SLC25A21: variants seen among roughly 807,000 people sequenced by gnomAD.
SLC25A21 encodes solute carrier family 25 member 21.
Under a neutral mutation model 43.8 loss-of-function variants are expected in SLC25A21, and 47 were observed. The ratio of observed to expected loss-of-function variants is 1.07; its 90% CI spans 0.85 to 1.37. The LOEUF is 1.37. SLC25A21 is among the 40% of genes most tolerant of loss of function. SLC25A21 has a pLI of 0.00. For synonymous variants in SLC25A21, 131 were observed against 121.3 expected (o/e 1.08, Z -0.52); for missense variants, 352 against 350.2 (o/e 1.00, Z -0.04).
chr14:37,036,050 T>C (rs146618506), intron 1 of SLC25A21, among the ~76,000 whole-genome samples: 5,069 of 152,250 alleles, frequency 0.033, 140 homozygotes, highest in Middle Eastern at 0.068. Flanking sequence ...AAAAGGAAAA[T>C]TGAGAATTTT....
intron 3 of SLC25A21, among the ~76,000 whole-genome samples, chr14:36,780,368 C>T (rs1274025413): frequency 6.6e-6 from 1 of 151,968 alleles, no homozygotes; most frequent in African/African-American, 2.4e-5. Flanking sequence ...ATAGCTCCTA[C>T]TACTTTTGCC....
intron 1 of SLC25A21, among the ~76,000 whole-genome samples, chr14:36,976,378 T>G (rs1032365878): frequency 3.3e-5 from 5 of 152,128 alleles, no homozygotes; most frequent in African/African-American, 9.7e-5. Context: ...AAACCCTAAC[T>G]TCTTTCAAAT....
In SLC25A21 at chr14:37,073,716, C is replaced by G. The variant is rs1962220737; in HGVS notation, c.70+98565G>C. Among the ~76,000 whole-genome samples the G allele has an allele frequency of 2.6e-5, 4 of 152,268 alleles. No individual in the cohort carries two copies. The South Asian group carries it at 8.3e-4, about 32-fold the overall frequency. ...GCATCGTTCCTGAAGCCAACAGGCC[C>G]TCTTGTCTTGTGTCCAGGTTAAATG... On this transcript the variant is annotated intron_variant, in intron 1 of 9. Coordinates refer to ENST00000331299, the MANE Select transcript of SLC25A21 (RefSeq NM_030631.4).
At chr14:36,963,724 G>A (rs547209744) in intron 1 of SLC25A21, among the ~76,000 whole-genome samples, 37 of 152,198 alleles carry the variant, frequency 2.4e-4, no homozygotes, top group Non-Finnish European at 2.4e-4. Flanking sequence ...CTCCGACTTC[G>A]CAAGCCTGCT....
chr14:36,946,223 C>T (rs1459536434), intron 1 of SLC25A21, among the ~76,000 whole-genome samples: 1 of 152,124 alleles, frequency 6.6e-6, no homozygotes, highest in East Asian at 1.9e-4. Context: ...CAGTGTAGTA[C>T]AAATTATATC....
intron 1 of SLC25A21, among the ~76,000 whole-genome samples, chr14:36,887,865 T>C (rs1253387484): frequency 6.6e-6 from 1 of 152,182 alleles, no homozygotes; most frequent in Non-Finnish European, 1.5e-5. Flanking sequence ...TTTGATTTAA[T>C]TGCCTAAAAA....
chr14:36,806,105 A>G (rs1302024474), intron 3 of SLC25A21, among the ~76,000 whole-genome samples: 3 of 107,848 alleles, frequency 2.8e-5, no homozygotes, highest in Non-Finnish European at 1.7e-5. Flanking sequence ...AATGCCAGCT[A>G]CTCTGAGGCA....
At chr14:36,688,721 TA>T (rs1194448768) in intron 7 of SLC25A21, among the ~76,000 whole-genome samples, 1 of 152,232 alleles carries the variant, frequency 6.6e-6, no homozygotes, top group Non-Finnish European at 1.5e-5. Flanking sequence ...ACAATTTTAA[TA>T]AAAATAAACG....
chr14:36,837,522 G>A (rs1343304375), intron 2 of SLC25A21, among the ~76,000 whole-genome samples: 1 of 152,158 alleles, frequency 6.6e-6, no homozygotes, highest in Non-Finnish European at 1.5e-5. Context: ...GTTAGGTGAT[G>A]GGTGACACTG....
intron 1 of SLC25A21, among the ~76,000 whole-genome samples, chr14:37,078,347 A>G (rs530104907): frequency 6.6e-6 from 1 of 152,310 alleles, no homozygotes; most frequent in African/African-American, 2.4e-5. Flanking sequence ...CAAGACTTCC[A>G]AAAGAATGCA....
chr14:36,740,622 AC>A (rs201254066), intron 3 of SLC25A21, among the ~76,000 whole-genome samples: 1 of 128,986 alleles, frequency 7.8e-6, no homozygotes, highest in African/African-American at 2.8e-5. Context: ...CCCTCATTCA[AC>A]CCCCCCACCC....
intron 6 of SLC25A21, among the ~76,000 whole-genome samples, chr14:36,715,958 G>T (rs745362708): frequency 6.6e-6 from 1 of 152,110 alleles, no homozygotes; most frequent in Non-Finnish European, 1.5e-5. Flanking sequence ...GGGCATGGTG[G>T]TGCGGGCCTG....
At chr14:37,033,445 C>T (rs977142167) in intron 1 of SLC25A21, among the ~76,000 whole-genome samples, 1 of 152,098 alleles carries the variant, frequency 6.6e-6, no homozygotes, top group Non-Finnish European at 1.5e-5. Context: ...GTATAAGGTA[C>T]TATAAGAAAA....
chr14:36,760,812 T>C (rs1217565183), intron 3 of SLC25A21, among the ~76,000 whole-genome samples: 3 of 143,666 alleles, frequency 2.1e-5, no homozygotes, highest in Non-Finnish European at 4.6e-5. Flanking sequence ...CCCTCCCAAA[T>C]AACACATCAA....
chr14:36,809,242 G>T (rs1888149478), intron 3 of SLC25A21: 1 of 152,176 alleles, frequency 6.6e-6, no homozygotes, highest in South Asian at 2.1e-4. Context: ...ACCAGACACA[G>T]ATGAAAAGTT....
intron 2 of SLC25A21, among the ~76,000 whole-genome samples, chr14:36,819,503 A>G (rs1888558422): frequency 6.6e-6 from 1 of 152,134 alleles, no homozygotes; most frequent in Non-Finnish European, 1.5e-5. Flanking sequence ...GCATAGATAT[A>G]CCACTTCCAC....
chr14:36,739,435 C>T (rs1385015049), intron 3 of SLC25A21, among the ~76,000 whole-genome samples: 1 of 151,914 alleles, frequency 6.6e-6, no homozygotes, highest in Non-Finnish European at 1.5e-5. Flanking sequence ...CCCAGCACTT[C>T]GGGAAGCCGA....
At chr14:36,871,179 T>C (rs1890362380) in intron 2 of SLC25A21, among the ~76,000 whole-genome samples, 1 of 149,424 alleles carries the variant, frequency 6.7e-6, no homozygotes, top group Non-Finnish European at 1.5e-5. Flanking sequence ...GCATCAGGAG[T>C]GGGGCCTTTA....
intron 1 of SLC25A21, among the ~76,000 whole-genome samples, chr14:36,968,045 C>A (rs1458324353): frequency 6.6e-6 from 1 of 152,090 alleles, no homozygotes; most frequent in Non-Finnish European, 1.5e-5. Flanking sequence ...GTTAAGAAAG[C>A]AAAGCAAACA....
Sources: gnomAD v4.1 joint callset for allele counts (sites outside exome capture counted in the v4.1 genomes callset) on GRCh38, gnomAD v4.1.1 for gene constraint, MANE v1.5 for transcripts, NCBI Gene and HGNC (gene_info 2026-07-23, HGNC 2026-07-21) for gene names.